The following LPGAT1 variants were observed in gnomAD, a reference collection of about 807,000 sequenced individuals.
LPGAT1 encodes lysophosphatidylglycerol acyltransferase 1.
A neutral mutation model predicts 47.5 loss-of-function variants in LPGAT1; 11 were observed. The ratio of observed to expected loss-of-function variants is 0.23; its 90% confidence interval spans 0.15 to 0.38. LPGAT1 has a LOEUF of 0.38. LPGAT1 is among the 10% of genes least tolerant of loss of function. LPGAT1 has a pLI of 1.00. For missense variants in LPGAT1, 293 were observed against 439.0 expected (o/e 0.67, Z 2.97); for synonymous variants, 138 against 144.2 (o/e 0.96, Z 0.31).
intron 5 of LPGAT1, among the ~76,000 whole-genome samples, chr1:211,780,221 C>T (rs968391219): frequency 6.6e-6 from 1 of 152,040 alleles, no homozygotes; most frequent in African/African-American, 2.4e-5. Flanking sequence ...ATAAATAAAG[C>T]AAAATATCTC....
chr1:211,775,651 G>C (rs749500401), intron 6 of LPGAT1, among the ~76,000 whole-genome samples: 2 of 151,976 alleles, frequency 1.3e-5, no homozygotes, highest in Non-Finnish European at 2.9e-5. Context: ...TTTCATGGCC[G>C]GGCGCAGTGG....
At chr1:211,800,188 A>G (rs926691791) in intron 2 of LPGAT1, among the ~76,000 whole-genome samples, 1 of 141,772 alleles carries the variant, frequency 7.1e-6, no homozygotes, top group East Asian at 2.0e-4. Context: ...GTATGTGTCC[A>G]GCTAATTTTT....
chr1:211,786,222 A>G (rs1237560355), intron 4 of LPGAT1, among the ~76,000 whole-genome samples: 1 of 152,266 alleles, frequency 6.6e-6, no homozygotes, highest in African/African-American at 2.4e-5. Context: ...AAATGAAATG[A>G]TATAATGTCC....
Position 211,750,734 on chromosome 1 carries a change from C to T in LPGAT1, c.961+227G>A, listed in dbSNP as rs566902878. On this transcript the variant is annotated intron_variant, in intron 7 of 7. Transcript: ENST00000366997. ...AGGAATGCTAGATAACTTCATACAGCAATATTACCTAAGGTCATCTTGATA... is the reference window on the plus strand; with the variant it reads ...AGGAATGCTAGATAACTTCATACAGTAATATTACCTAAGGTCATCTTGATA... Among the ~76,000 whole-genome samples, 97 of 152,328 alleles carry T rather than the reference C, an allele frequency of 6.4e-4. 1 individual carries two copies. Among genetic ancestry groups the T allele is most frequent in the Middle Eastern group, 3.4e-3 (1 of 294 alleles).
chr1:211,830,343 G>A lies in LPGAT1; in HGVS notation c.-28+230C>T. On this transcript the variant is annotated intron_variant, in intron 1 of 7. Transcript: ENST00000366997. This position sits in a 1 kb window ranked among gnomAD's most constrained non-coding sequence, Gnocchi z 5.9. ...CCCTCGCGGCTGCCTGCGGACAGAG[G>A]GACGGCGGGGACTCAGAGGCCGGAC... The A allele has an allele frequency of 2.6e-6, 3 of 1,142,242 alleles. No individual in the cohort carries two copies. The highest frequency in any genetic ancestry group is 3.2e-6 in the Non-Finnish European group (3 of 930,666). 70.8% of individuals were successfully genotyped at this position (1,142,242 alleles called of 1,614,324 possible).
At chr1:211,758,749 T>C (rs2102497597) in intron 6 of LPGAT1, among the ~76,000 whole-genome samples, 1 of 152,264 alleles carries the variant, frequency 6.6e-6, no homozygotes, top group East Asian at 1.9e-4. Flanking sequence ...ACAGTGATAA[T>C]AAGCATCCTT....
At chr1:211,775,698 G>A (rs1051496309) in intron 6 of LPGAT1, among the ~76,000 whole-genome samples, 1 of 152,126 alleles carries the variant, frequency 6.6e-6, no homozygotes, top group South Asian at 2.1e-4. Context: ...GGAGGCCGAA[G>A]TGGGTGGATC....
At chr1:211,803,767 T>TC (rs1659659287) in intron 2 of LPGAT1, among the ~76,000 whole-genome samples, 1 of 149,458 alleles carries the variant, frequency 6.7e-6, no homozygotes, top group Non-Finnish European at 1.5e-5. Context: ...TTTCTTTCTT[T>TC]TTTTTTTTTT....
intron 6 of LPGAT1, among the ~76,000 whole-genome samples, chr1:211,777,787 G>A (rs1307599215): frequency 1.3e-5 from 2 of 152,188 alleles, no homozygotes; most frequent in Non-Finnish European, 2.9e-5. Flanking sequence ...GGTAAAATGA[G>A]GCTGAGACCT....
intron 7 of LPGAT1, 132 bp downstream of exon 7, chr1:211,750,829 G>A: frequency 4.7e-6 from 3 of 635,220 alleles, no homozygotes; most frequent in Non-Finnish European, 8.4e-6. Flanking sequence ...TTCATGAGGG[G>A]ATTTGCTTCT....
Position 211,823,791 on chromosome 1 carries a change from A to G in LPGAT1, c.238+5268T>C, listed in dbSNP as rs939076292. On this transcript the variant is annotated intron_variant, in intron 2 of 7. Coordinates refer to ENST00000366997, the MANE Select transcript of LPGAT1 (RefSeq NM_014873.3). The stretch of plus-strand genomic sequence containing the variant: ...TCCCTACAAAAACTTTTTTTAAATT[A>G]AAAAGGCACAGTGATGCACACTTAG... Among the ~76,000 whole-genome samples the G allele has an allele frequency of 3.9e-5, 6 of 152,014 alleles. No individual in the cohort carries two copies. The South Asian group carries it at 1.2e-3, about 32-fold the overall frequency.
intron 2 of LPGAT1, among the ~76,000 whole-genome samples, chr1:211,814,557 G>A (rs1411319892): frequency 6.6e-6 from 1 of 152,166 alleles, no homozygotes; most frequent in Non-Finnish European, 1.5e-5. Context: ...GTGCTGATAT[G>A]CATTCTTTCA....
chr1:211,827,447 C>T (rs12120603), intron 2 of LPGAT1, among the ~76,000 whole-genome samples: 2 of 152,154 alleles, frequency 1.3e-5, no homozygotes, highest in African/African-American at 4.8e-5. Flanking sequence ...ATTAATTTTA[C>T]CTTCCCACCA....
intron 2 of LPGAT1, among the ~76,000 whole-genome samples, chr1:211,795,654 A>G (rs1024885892): frequency 6.6e-6 from 1 of 152,184 alleles, no homozygotes; most frequent in Non-Finnish European, 1.5e-5. Context: ...GGCCTGAGCC[A>G]CCGCGCCCAG....
chr1:211,782,909 G>C (rs1010906713), intron 5 of LPGAT1, among the ~76,000 whole-genome samples: 2 of 152,102 alleles, frequency 1.3e-5, no homozygotes, highest in African/African-American at 2.4e-5. Flanking sequence ...CCACTTCTAG[G>C]AATCTGTACT....
At chr1:211,778,011 A>G (rs1428821113) in intron 6 of LPGAT1, among the ~76,000 whole-genome samples, 2 of 152,226 alleles carry the variant, frequency 1.3e-5, no homozygotes, top group Non-Finnish European at 2.9e-5. Flanking sequence ...TACAAATACC[A>G]TGGCAACATC....
chr1:211,772,617 G>T (rs1436030096), intron 6 of LPGAT1, among the ~76,000 whole-genome samples: 1 of 152,096 alleles, frequency 6.6e-6, no homozygotes, highest in Admixed American at 6.5e-5. Flanking sequence ...AATACACAAT[G>T]AAATATTTAC....
chr1:211,794,990 T>C (rs781768893), intron 2 of LPGAT1, among the ~76,000 whole-genome samples: 5 of 152,060 alleles, frequency 3.3e-5, no homozygotes, highest in Non-Finnish European at 5.9e-5. Context: ...TGAAAACAAC[T>C]AGAAAGAGAA....
intron 5 of LPGAT1, among the ~76,000 whole-genome samples, chr1:211,780,934 A>G (rs1658615929): frequency 6.6e-6 from 1 of 152,216 alleles, no homozygotes; most frequent in African/African-American, 2.4e-5. Context: ...AAAAAACACC[A>G]AAATTCAGTT....
Sources: allele counts gnomAD v4.1 joint callset (sites outside exome capture counted in the v4.1 genomes callset), GRCh38; gene constraint gnomAD v4.1.1; non-coding constraint Gnocchi (gnomAD v3.1); transcripts MANE v1.5; gene names NCBI Gene and HGNC (gene_info 2026-07-23, HGNC 2026-07-21).